The following ODAD2 variants were observed in gnomAD, a reference collection of about 807,000 sequenced individuals.
The protein encoded by ODAD2 is outer dynein arm docking complex subunit 2.
Under a neutral mutation model 106.8 loss-of-function variants are expected in ODAD2, and 89 were observed. That is an observed-to-expected ratio of 0.83 (90% CI 0.70 to 0.99). The LOEUF is 0.99. Among genes scored for constraint, ODAD2 ranks in the 50% least tolerant of loss-of-function variants. ODAD2 has a pLI of 0.00. For missense variants in ODAD2, 1,168 were observed against 1,238.5 expected, an observed-to-expected ratio of 0.94 and a Z score of 0.85; for synonymous variants, 404 against 436.2, an observed-to-expected ratio of 0.93 and a Z score of 0.92.
Position 27,940,683 on chromosome 10 carries a change from A to G in ODAD2, c.1866T>C (p.His622=). Reference sequence around the variant, plus strand: ...CTTTGCGGATGGCTTCTTTATTCGTATGACTCTTACTGCAGCTCCACAGGG... The same window carrying G: ...CTTTGCGGATGGCTTCTTTATTCGTGTGACTCTTACTGCAGCTCCACAGGG... The part of the protein sequence containing the change: ...ALALWSCSKS[H]TNKEAIRKAG... The change falls in exon 13 of 20, where the codon CAT becomes CAC. Residue 622 remains histidine (H), a synonymous_variant. Transcript: ENST00000305242. The G allele has an allele frequency of 1.9e-6, 3 of 1,614,106 alleles. No homozygotes were observed. Among genetic ancestry groups the G allele is most frequent in the Non-Finnish European group, 2.5e-6 (3 of 1,180,004 alleles).
chr10:27,982,171 T>C (rs1849593337), intron 6 of ODAD2, among the ~76,000 whole-genome samples: 1 of 151,982 alleles, frequency 6.6e-6, no homozygotes, highest in Non-Finnish European at 1.5e-5. Flanking sequence ...AGAATATATA[T>C]ATATAATGTA....
At chr10:27,860,351 G>A (rs963558391) in intron 19 of ODAD2, among the ~76,000 whole-genome samples, 1 of 152,090 alleles carries the variant, frequency 6.6e-6, no homozygotes, top group African/African-American at 2.4e-5. Context: ...TACTTGGGAG[G>A]GTGAGGCAGG....
chr10:27,844,312 T>G (rs1358108466), intron 19 of ODAD2, among the ~76,000 whole-genome samples: 2 of 152,224 alleles, frequency 1.3e-5, no homozygotes, highest in Non-Finnish European at 2.9e-5. Flanking sequence ...GGGATGGATT[T>G]TCAAAAGAGG....
At chr10:27,913,379 G>A (rs934759806) in intron 16 of ODAD2, among the ~76,000 whole-genome samples, 4 of 151,894 alleles carry the variant, frequency 2.6e-5, no homozygotes, top group Admixed American at 6.6e-5. Context: ...GAGAACATGC[G>A]GTATTTGGTT....
At chr10:27,812,753 T>C (rs1835841235) in intron 19 of ODAD2, 128 bp from the exon 20 acceptor site, 6 of 1,331,318 alleles carry the variant, frequency 4.5e-6, no homozygotes, top group Middle Eastern at 2.6e-4. Flanking sequence ...GCATAAGAAA[T>C]TCCATTTAAG....
chr10:27,823,621 T>C (rs1454929586), intron 19 of ODAD2, among the ~76,000 whole-genome samples: 3 of 152,194 alleles, frequency 2.0e-5, no homozygotes, highest in East Asian at 1.9e-4. Flanking sequence ...TAGTTGTTAT[T>C]ATTATTACTC....
chr10:27,862,313 T>A, intron 18 of ODAD2, 121 bp downstream of exon 18: 1 of 642,832 alleles, frequency 1.6e-6, no homozygotes, highest in Non-Finnish European at 2.5e-6. Context: ...ATCTCATACC[T>A]CATAAGCAAT....
intron 19 of ODAD2, among the ~76,000 whole-genome samples, chr10:27,817,010 A>C (rs1026357443): frequency 3.3e-5 from 5 of 152,122 alleles, no homozygotes; most frequent in African/African-American, 9.7e-5. Context: ...TCGGCCTCCA[A>C]AAGTGCTTGG....
chr10:27,975,159 T>G (rs1250411383), intron 7 of ODAD2, among the ~76,000 whole-genome samples: 8 of 152,186 alleles, frequency 5.3e-5, no homozygotes, highest in Non-Finnish European at 7.3e-5. Flanking sequence ...GAGGATCCCT[T>G]GTTTTATATG....
In ODAD2 at chr10:27,987,044, G is replaced by C. The variant is rs556934758; in HGVS notation, c.382+342C>G. ...ATTCAGAGGCCAGCCCTTGTCATCT[G>C]TCTTCTCTATTGACACTGACCTAAC... is the stretch of plus-strand genomic sequence containing the variant. On this transcript the variant is annotated intron_variant, in intron 3 of 19. Coordinates refer to ENST00000305242, the MANE Select transcript of ODAD2 (RefSeq NM_018076.5). Among the ~76,000 whole-genome samples the C allele has an allele frequency of 2.6e-5, 4 of 152,322 alleles. No homozygotes were observed. In the South Asian group the frequency reaches 8.3e-4, roughly 32 times the overall value.
chr10:27,849,090 G>A (rs2133203668), intron 19 of ODAD2, among the ~76,000 whole-genome samples: 1 of 152,326 alleles, frequency 6.6e-6, no homozygotes, highest in East Asian at 1.9e-4. Flanking sequence ...CTGCTATAAA[G>A]ACACATGCAC....
At chr10:27,988,337 CTTTTTT>C (rs5784035) in intron 2 of ODAD2, among the ~76,000 whole-genome samples, 1 of 128,790 alleles carries the variant, frequency 7.8e-6, no homozygotes. Context: ...CCTGATCTAG[CTTTTTT>C]TTTTTTTTTT....
At chr10:27,940,203 A>C (rs1375894021) in intron 13 of ODAD2, among the ~76,000 whole-genome samples, 196 bp from the exon 14 acceptor site, 1 of 151,894 alleles carries the variant, frequency 6.6e-6, no homozygotes. Context: ...GTATATATAT[A>C]TAGTGTATAG....
intron 15 of ODAD2, among the ~76,000 whole-genome samples, 155 bp from the exon 16 acceptor site, chr10:27,935,407 G>A (rs553449553): frequency 6.6e-6 from 1 of 152,158 alleles, no homozygotes; most frequent in African/African-American, 2.4e-5. Context: ...AAATAGTAGA[G>A]CTGACGTCTA....
chr10:27,975,010 G>T (rs1849102859), intron 7 of ODAD2, among the ~76,000 whole-genome samples: 1 of 152,064 alleles, frequency 6.6e-6, no homozygotes, highest in African/African-American at 2.4e-5. Flanking sequence ...ATTGTGAATG[G>T]GATTGCATTC....
intron 17 of ODAD2, among the ~76,000 whole-genome samples, chr10:27,891,830 C>T (rs1054418049): frequency 6.6e-6 from 1 of 152,168 alleles, no homozygotes; most frequent in East Asian, 1.9e-4. Flanking sequence ...TGAAAATAAT[C>T]GTGTGATACG....
At chr10:27,902,151 C>A (rs565831525) in intron 17 of ODAD2, among the ~76,000 whole-genome samples, 1 of 152,310 alleles carries the variant, frequency 6.6e-6, no homozygotes, top group African/African-American at 2.4e-5. Flanking sequence ...GATTAAGAAA[C>A]TCTCTCAAAA....
At chr10:27,962,065 C>T (rs867390049) in intron 9 of ODAD2, among the ~76,000 whole-genome samples, 1 of 152,104 alleles carries the variant, frequency 6.6e-6, no homozygotes, top group South Asian at 2.1e-4. Context: ...CAGAACAAGA[C>T]CTTGTCTCAA....
Position 27,940,667 on chromosome 10 carries a change from T to C in ODAD2, c.1882A>G (p.Ile628Val). ...CSKSHTNKEAIRKAGGIPLLA... is the reference protein window; with the variant it reads ...CSKSHTNKEAVRKAGGIPLLA... ...AGAGGAATGCCCCCAGCTTTGCGGA[T>C]GGCTTCTTTATTCGTATGACTCTTA... Residue 628 changes from isoleucine (I) to valine (V), a missense_variant, in exon 13 of 20, where the codon ATC becomes GTC. Coordinates refer to ENST00000305242, the MANE Select transcript of ODAD2 (RefSeq NM_018076.5). The C allele has an allele frequency of 6.2e-7, 1 of 1,614,144 alleles. No individual in the cohort carries two copies. The highest frequency in any genetic ancestry group is 2.2e-5 in the East Asian group (1 of 44,856).
Sources: allele counts gnomAD v4.1 joint callset (sites outside exome capture counted in the v4.1 genomes callset), GRCh38; gene constraint gnomAD v4.1.1; transcripts MANE v1.5; gene names NCBI Gene and HGNC (gene_info 2026-07-23, HGNC 2026-07-21).